Variants in CDH13 observed in about 807,000 individuals in gnomAD.
The protein encoded by CDH13 is cadherin 13, also known as cadherin-13.
In CDH13, 24 loss-of-function variants were observed where a neutral mutation model predicts 63.8. The observed-to-expected ratio is 0.38, with a 90% CI of 0.27 to 0.53. The LOEUF is 0.53. Among genes scored for constraint, CDH13 ranks in the 20% least tolerant of loss-of-function variants. CDH13 has a pLI of 0.85. For missense variants in CDH13, 1,049 were observed against 903.1 expected, an observed-to-expected ratio of 1.16 and a Z score of -2.07; for synonymous variants, 503 against 355.3, an observed-to-expected ratio of 1.42 and a Z score of -4.67.
chr16:82,996,227 G>A (rs1349914240), intron 2 of CDH13, among the ~76,000 whole-genome samples: 4 of 151,596 alleles, frequency 2.6e-5, no homozygotes, highest in Admixed American at 6.6e-5. Context: ...GTTGTATATC[G>A]AAAATCAGTT....
intron 3 of CDH13, among the ~76,000 whole-genome samples, chr16:83,080,373 C>G (rs1329181091): frequency 6.6e-6 from 1 of 152,188 alleles, no homozygotes; most frequent in East Asian, 1.9e-4. Context: ...CATGCTCACT[C>G]TTATGCCAAG....
chr16:83,321,340 CA>C (rs903157356), intron 5 of CDH13, among the ~76,000 whole-genome samples: 2 of 152,142 alleles, frequency 1.3e-5, no homozygotes, highest in Non-Finnish European at 2.9e-5. Context: ...TAATTAGTAT[CA>C]CAGCAAGTTG....
intron 2 of CDH13, among the ~76,000 whole-genome samples, chr16:82,869,233 G>A (rs1327423218): frequency 6.6e-6 from 1 of 152,098 alleles, no homozygotes; most frequent in South Asian, 2.1e-4. Flanking sequence ...TTTTAATAGA[G>A]CAAAGTTTTG....
rs1173636265 is a variant in CDH13, at chr16:83,131,182, A to ACCCCCCCCCC, written c.483+5691_483+5700dup. ...GGTGGGGAGTATAAGGGGGTGTATG[A>ACCCCCCCCCC]CCCCCCCCCCCCCCCCCCCGCCCAC... is the stretch of plus-strand genomic sequence containing the variant. On this transcript the variant is annotated intron_variant, in intron 4 of 13. Coordinates refer to ENST00000567109, the MANE Select transcript of CDH13 (RefSeq NM_001257.5). Among the ~76,000 whole-genome samples the ACCCCCCCCCC allele has an allele frequency of 1.0e-3, 86 of 86,348 alleles. 9 individuals carry two copies. The highest frequency in any genetic ancestry group is 9.6e-3 in the Middle Eastern group (1 of 104). 56.6% of individuals were successfully genotyped at this position (86,348 alleles called of 152,430 possible).
At chr16:82,691,958 T>C (rs565220275) in intron 1 of CDH13, among the ~76,000 whole-genome samples, 3 of 152,296 alleles carry the variant, frequency 2.0e-5, no homozygotes, top group South Asian at 4.1e-4. Context: ...GATTCTGATA[T>C]ATGCTGACAG....
chr16:83,567,012 G>A (rs1428609082), intron 7 of CDH13, among the ~76,000 whole-genome samples: 5 of 152,118 alleles, frequency 3.3e-5, no homozygotes, highest in African/African-American at 1.2e-4. Context: ...TTCCCTGTGT[G>A]TCATACAGTT....
intron 7 of CDH13, among the ~76,000 whole-genome samples, chr16:83,581,693 C>T (rs1905616859): frequency 6.6e-6 from 1 of 152,132 alleles, no homozygotes; most frequent in Non-Finnish European, 1.5e-5. Context: ...GGGGTATGCC[C>T]TTGTAGTCCC....
At chr16:82,905,947 C>T (rs1020286258) in intron 2 of CDH13, among the ~76,000 whole-genome samples, 4 of 151,994 alleles carry the variant, frequency 2.6e-5, no homozygotes, top group Non-Finnish European at 4.4e-5. Flanking sequence ...ATTTTTCTTT[C>T]AGAAAAATAT....
chr16:83,762,363 C>A (rs1296306037), intron 11 of CDH13, among the ~76,000 whole-genome samples: 1 of 151,358 alleles, frequency 6.6e-6, no homozygotes, highest in Admixed American at 6.6e-5. Context: ...CACAGAATTG[C>A]TGCCCTCTCT....
intron 6 of CDH13, among the ~76,000 whole-genome samples, chr16:83,435,193 C>T (rs1210845756): frequency 6.6e-6 from 1 of 151,748 alleles, no homozygotes; most frequent in African/African-American, 2.4e-5. Context: ...ATTGCAGGAG[C>T]CTGCTACCAT....
In CDH13 at chr16:83,668,907, A is replaced by G. The variant is rs191167857; in HGVS notation, c.1102-1883A>G. On this transcript the variant is annotated intron_variant, in intron 8 of 13. Transcript: ENST00000567109. The stretch of plus-strand genomic sequence containing the variant: ...TTCCTGCTGAGCCCAGATGTACTGC[A>G]GGCCTGTCCACACCAGGCTCAGGCA... Among the ~76,000 whole-genome samples the G allele has an allele frequency of 1.7e-4, 26 of 152,342 alleles. No individual in the cohort carries two copies. In the East Asian group the frequency reaches 4.8e-3, roughly 28 times the overall value.
At chr16:82,662,745 A>C (rs17262787) in intron 1 of CDH13, among the ~76,000 whole-genome samples, 26,359 of 152,228 alleles carry the variant, frequency 0.17, 2,606 homozygotes, top group Non-Finnish European at 0.23. Flanking sequence ...CTTAAATGTC[A>C]AATAGCGCCT....
intron 5 of CDH13, among the ~76,000 whole-genome samples, chr16:83,231,519 G>A (rs1441762800): frequency 6.6e-6 from 1 of 152,184 alleles, no homozygotes; most frequent in African/African-American, 2.4e-5. Context: ...AGCAGGAGCT[G>A]GTGAGCACCT....
chr16:83,265,293 T>G (rs569390930), intron 5 of CDH13, among the ~76,000 whole-genome samples: 1 of 152,182 alleles, frequency 6.6e-6, no homozygotes, highest in Non-Finnish European at 1.5e-5. Flanking sequence ...CCCAAATCCT[T>G]TCTCTTTTTC....
intron 1 of CDH13, among the ~76,000 whole-genome samples, chr16:82,640,763 T>G (rs902637394): frequency 6.6e-6 from 1 of 152,202 alleles, no homozygotes; most frequent in Admixed American, 6.5e-5. Flanking sequence ...CACTAGATTA[T>G]TTGCATTAAC....
At chr16:83,286,763 A>G (rs996649321) in intron 5 of CDH13, among the ~76,000 whole-genome samples, 3 of 121,250 alleles carry the variant, frequency 2.5e-5, no homozygotes, top group Non-Finnish European at 5.4e-5. Flanking sequence ...CTCAAAAAAA[A>G]AAAAATGTAT....
chr16:83,197,807 C>G (rs903436942), intron 4 of CDH13, among the ~76,000 whole-genome samples: 1 of 107,636 alleles, frequency 9.3e-6, no homozygotes, highest in Non-Finnish European at 1.9e-5. Context: ...TGCTCACACA[C>G]TCTGACACAT....
chr16:83,255,160 A>T (rs1005622738), intron 5 of CDH13, among the ~76,000 whole-genome samples: 1 of 152,162 alleles, frequency 6.6e-6, no homozygotes, highest in African/African-American at 2.4e-5. Flanking sequence ...TAAATTGACT[A>T]TTGAAAAGGC....
intron 10 of CDH13, among the ~76,000 whole-genome samples, chr16:83,743,768 C>CTTTT (rs57379661): frequency 1.9e-5 from 2 of 106,074 alleles, no homozygotes; most frequent in African/African-American, 3.7e-5. Flanking sequence ...TTTTTTTTTT[C>CTTTT]TTTGCTTTTT....
Sources: gnomAD v4.1 joint callset for allele counts (sites outside exome capture counted in the v4.1 genomes callset) on GRCh38, gnomAD v4.1.1 for gene constraint, MANE v1.5 for transcripts, NCBI Gene and HGNC (gene_info 2026-07-23, HGNC 2026-07-21) for gene names.